Variants in PPWD1 observed in about 807,000 individuals in gnomAD.
PPWD1 encodes peptidylprolyl isomerase domain and WD repeat-containing protein 1.
In PPWD1, 43 loss-of-function variants were observed where a neutral mutation model predicts 68.8. The observed-to-expected ratio is 0.62, with a 90% CI of 0.49 to 0.81. The LOEUF is 0.81. Ranked by LOEUF, PPWD1 falls within the 30% of genes least tolerant of loss-of-function variation. The pLI is 0.00. For synonymous variants in PPWD1, 232 were observed against 258.7 expected (o/e 0.90, Z 0.99); for missense variants, 672 against 804.8 (o/e 0.83, Z 2.00).
At chr5:65,575,232 C>G (rs1421761325) in intron 5 of PPWD1, among the ~76,000 whole-genome samples, 1 of 152,192 alleles carries the variant, frequency 6.6e-6, no homozygotes, top group East Asian at 1.9e-4. Context: ...TGACCACCTA[C>G]AGACCTTATG....
chr5:65,586,162 T>G lies in PPWD1; in HGVS notation c.1778T>G (p.Phe593Cys). ...TCAAATACTAATGGATCCCAGTTTTTCATAACGGTAGTACCAACGGTAAGT... is the reference window on the plus strand; with the variant it reads ...TCAAATACTAATGGATCCCAGTTTTGCATAACGGTAGTACCAACGGTAAGT... Reference protein sequence around the residue: ...AGSNTNGSQFFITVVPTPWLD... With the variant: ...AGSNTNGSQFCITVVPTPWLD... Residue 593 changes from phenylalanine (F) to cysteine (C), a missense_variant, in exon 10 of 11, where the codon TTC becomes TGC. By Grantham distance (205) the Phe-to-Cys change is radical. Transcript: ENST00000261308. 1 of 1,613,124 alleles carries G rather than the reference T, an allele frequency of 6.2e-7. No homozygotes were observed. Among genetic ancestry groups the G allele is most frequent in the Non-Finnish European group, 8.5e-7 (1 of 1,179,376 alleles).
intron 4 of PPWD1, among the ~76,000 whole-genome samples, chr5:65,571,374 G>T (rs1300433756): frequency 1.3e-5 from 2 of 152,030 alleles, no homozygotes; most frequent in African/African-American, 4.8e-5. Context: ...GAGTGTTTTA[G>T]GACAGTGTTT....
chr5:65,574,518 T>C (rs192189), intron 5 of PPWD1, among the ~76,000 whole-genome samples: 85,712 of 138,596 alleles, frequency 0.62, 27,344 homozygotes, highest in South Asian at 0.65. Context: ...CTGCGGACTG[T>C]AGTGGCTCAA....
At chr5:65,586,359 G>GT (rs1206441393) in intron 10 of PPWD1, among the ~76,000 whole-genome samples, 178 bp downstream of exon 10, 1 of 152,076 alleles carries the variant, frequency 6.6e-6, no homozygotes, top group Non-Finnish European at 1.5e-5. Context: ...TTTAGAATTG[G>GT]TAAAACAATA....
At position 65,583,063 on chromosome 5, in the gene PPWD1, C is replaced by T. The variant is rs376380239; in HGVS notation, c.1376C>T (p.Thr459Met). The T allele has an allele frequency of 6.0e-5, 96 of 1,594,716 alleles. 2 individuals are homozygous for T. The South Asian group carries it at 9.2e-4, about 15-fold the overall frequency. ...TTTACCAAACGAGAACCAGAAGATA[C>T]GAAAAGTGCAGATTCTGATCGAGAT... is the stretch of plus-strand genomic sequence containing the variant. ...YMFTKREPED[T>M]KSADSDRDVF... The change falls in exon 8 of 11, where the codon ACG (threonine) becomes ATG (methionine). Residue 459 changes from threonine to methionine, a missense_variant. Physicochemically the swap from Thr to Met is moderately conservative, Grantham distance 81. This residue lies in a region of PPWD1 where 484 missense variants were observed against 646.2 expected (regional missense o/e 0.75). Coordinates refer to ENST00000261308, the MANE Select transcript of PPWD1 (RefSeq NM_015342.4).
chr5:65,576,070 A>G (rs1273072647), intron 5 of PPWD1, among the ~76,000 whole-genome samples: 1 of 152,190 alleles, frequency 6.6e-6, no homozygotes, highest in East Asian at 1.9e-4. Context: ...ACAAGATTTC[A>G]AAGACTTAAT....
At chr5:65,582,909 C>G in intron 7 of PPWD1, 129 bp from the exon 8 acceptor site, 3 of 1,237,722 alleles carry the variant, frequency 2.4e-6, no homozygotes, top group South Asian at 4.0e-5. Flanking sequence ...GGAAGTGATT[C>G]CTGAAATAAG....
At chr5:65,571,429 C>T (rs895625368) in intron 4 of PPWD1, among the ~76,000 whole-genome samples, 2 of 152,010 alleles carry the variant, frequency 1.3e-5, no homozygotes, top group African/African-American at 4.8e-5. Context: ...TTAAATATTT[C>T]AAGAAAGGAT....
intron 7 of PPWD1, among the ~76,000 whole-genome samples, chr5:65,582,085 A>G (rs1210666230): frequency 2.0e-5 from 3 of 152,180 alleles, no homozygotes; most frequent in African/African-American, 7.2e-5. Flanking sequence ...TGTTAAGGTG[A>G]TAGCATCCTA....
At chr5:65,578,927 G>GT (rs1486232449) in intron 6 of PPWD1, among the ~76,000 whole-genome samples, 3 of 151,422 alleles carry the variant, frequency 2.0e-5, no homozygotes, top group Admixed American at 1.3e-4. Flanking sequence ...TGTTGTTGTT[G>GT]TTTTTTATTG....
intron 1 of PPWD1, among the ~76,000 whole-genome samples, chr5:65,567,145 T>C (rs1297601673): frequency 6.6e-6 from 1 of 152,162 alleles, no homozygotes; most frequent in Non-Finnish European, 1.5e-5. Context: ...AGGAAGATGG[T>C]TGTGATATTT....
rs1753888542 is a variant in PPWD1, at chr5:65,587,247, A to G, written c.1798-6A>G. On this transcript the variant is annotated splice_region_variant and splice_polypyrimidine_tract_variant and intron_variant, in intron 10 of 10. Coordinates refer to ENST00000261308, the MANE Select transcript of PPWD1 (RefSeq NM_015342.4). Reference sequence around the variant, plus strand: ...ACCAAGATTTTCCATTTGTCCTCCAACACAGCCTTGGCTTGATAATAAGCA... The same window carrying G: ...ACCAAGATTTTCCATTTGTCCTCCAGCACAGCCTTGGCTTGATAATAAGCA... 3 of 1,597,590 alleles carry G rather than the reference A, an allele frequency of 1.9e-6. No homozygotes were observed. The highest frequency in any genetic ancestry group is 1.7e-5 in the Admixed American group (1 of 57,828).
At chr5:65,567,739 T>C in intron 2 of PPWD1, 124 bp downstream of exon 2, 3 of 1,359,172 alleles carry the variant, frequency 2.2e-6, no homozygotes, top group Non-Finnish European at 2.9e-6. Flanking sequence ...TCTTAAGTTC[T>C]GAAATAAAGG....
At chr5:65,583,823 G>A (rs372343876) in intron 8 of PPWD1, among the ~76,000 whole-genome samples, 36 of 152,158 alleles carry the variant, frequency 2.4e-4, no homozygotes, top group South Asian at 8.3e-4. Flanking sequence ...ATGGTGGCAC[G>A]CACCTGTATT....
At chr5:65,581,787 A>G (rs11740053) in intron 7 of PPWD1, among the ~76,000 whole-genome samples, 40,210 of 152,092 alleles carry the variant, frequency 0.26, 5,930 homozygotes, top group South Asian at 0.35. Flanking sequence ...TATACAGCTA[A>G]CATTGTTACG....
At chr5:65,586,685 GTGA>G (rs1754220098) in intron 10 of PPWD1, among the ~76,000 whole-genome samples, 2 of 152,144 alleles carry the variant, frequency 1.3e-5, no homozygotes, top group Non-Finnish European at 2.9e-5. Context: ...TAAGCACTAA[GTGA>G]TGAAGAAGGG....
chr5:65,569,473 G>A, intron 2 of PPWD1, 159 bp from the exon 3 acceptor site: 1 of 695,418 alleles, frequency 1.4e-6, no homozygotes, highest in Non-Finnish European at 2.1e-6. Context: ...TTCAAAATTT[G>A]CAGTGTTCTG....
In PPWD1 at chr5:65,577,665, A is replaced by G. The variant is rs531003641; in HGVS notation, c.1160+596A>G. 4.2e-4 allele frequency among the ~76,000 whole-genome samples: 64 copies of G among 152,386 alleles called. 2 individuals carry two copies. Among genetic ancestry groups the G allele is most frequent in the Non-Finnish European group, 7.3e-5 (5 of 68,030 alleles). On this transcript the variant is annotated intron_variant, in intron 6 of 10. Transcript: ENST00000261308. ...AAGTTTTGCAGAACAGTTAACAGACATGGAATTTTAATAAGAATAGGTTAA... is the reference window on the plus strand; with the variant it reads ...AAGTTTTGCAGAACAGTTAACAGACGTGGAATTTTAATAAGAATAGGTTAA...
At chr5:65,573,284 T>C (rs1753097014) in intron 5 of PPWD1, among the ~76,000 whole-genome samples, 1 of 150,418 alleles carries the variant, frequency 6.6e-6, no homozygotes, top group African/African-American at 2.4e-5. Flanking sequence ...TGCACAGTTT[T>C]TTTATTTTTT....
Sources: allele counts gnomAD v4.1 joint callset (sites outside exome capture counted in the v4.1 genomes callset), GRCh38; gene constraint gnomAD v4.1.1; regional missense constraint gnomAD v4.1.1; transcripts MANE v1.5; gene names NCBI Gene and HGNC (gene_info 2026-07-23, HGNC 2026-07-21).